ZNF207: variants seen among roughly 807,000 people sequenced by gnomAD.
The protein encoded by ZNF207 is zinc finger protein 207, also known as BUB3-interacting and GLEBS motif-containing protein ZNF207.
In ZNF207, 24 loss-of-function variants were observed where a neutral mutation model predicts 60.2. That is an observed-to-expected ratio of 0.40 (90% CI 0.29 to 0.56). The LOEUF is 0.56. Among genes scored for constraint, ZNF207 ranks in the 20% least tolerant of loss-of-function variants. The pLI, the probability that ZNF207 is intolerant of heterozygous loss-of-function variation, is 0.49. For missense variants in ZNF207, 452 were observed against 636.6 expected (o/e 0.71, Z 3.12); for synonymous variants, 236 against 194.7 (o/e 1.21, Z -1.77).
chr17:32,360,256 G>A (rs945197415), intron 3 of ZNF207, among the ~76,000 whole-genome samples: 4 of 151,018 alleles, frequency 2.6e-5, no homozygotes, highest in Non-Finnish European at 5.9e-5. Flanking sequence ...AGACTGTGGC[G>A]GGAGGATCGC....
Position 32,357,342 on chromosome 17 carries a change from A to ATTTTTTT in ZNF207, c.169-1159_169-1158insTTTTTTT, listed in dbSNP as rs1364261997. Among the ~76,000 whole-genome samples the ATTTTTTT allele has an allele frequency of 1.2e-4, 8 of 64,422 alleles. 1 individual carries two copies. The highest frequency in any genetic ancestry group is 3.5e-4 in the African/African-American group (4 of 11,432). The allele number at this position is 64,422 out of a possible 152,430, so 42.3% of individuals were successfully genotyped here. A position where few individuals can be genotyped will look rare whatever the true frequency, so the allele number is the denominator to read the frequency against. ...TATTATTATTATTATTATTATTATT[A>ATTTTTTT]TTATTATTATTTTTTTTTTTTTTTG... is the stretch of plus-strand genomic sequence containing the variant. On this transcript the variant is annotated intron_variant, in intron 2 of 11. Coordinates refer to ENST00000394670, the MANE Select transcript of ZNF207 (RefSeq NM_001098507.2).
intron 8 of ZNF207, chr17:32,365,738 GT>G (rs60104494): frequency 0.11 from 14,145 of 134,048 alleles, 569 homozygotes; most frequent in Middle Eastern, 0.16. Flanking sequence ...TTTATTCTTA[GT>G]TTTTTTTTTT....
chr17:32,358,402 G>T (rs1444115246), intron 2 of ZNF207, 101 bp from the exon 3 acceptor site: 1 of 1,159,242 alleles, frequency 8.6e-7, no homozygotes. Flanking sequence ...GCTCTACATG[G>T]CCTCACTATA....
Position 32,365,357 on chromosome 17 carries a change from G to A in ZNF207, c.698G>A (p.Gly233Glu), listed in dbSNP as rs1290202765. Residue 233 changes from glycine (G) to glutamate (E), a missense_variant, in exon 8 of 12, where the codon GGA (glycine) becomes GAA (glutamate). Gly to Glu is a moderately conservative substitution (Grantham distance 98, BLOSUM62 -2). This residue lies in a region of ZNF207 where 390 missense variants were observed against 461.4 expected (regional missense o/e 0.85). Coordinates refer to ENST00000394670, the MANE Select transcript of ZNF207 (RefSeq NM_001098507.2). ...ATGCCCCCACCTGTTCCACGTCCTG[G>A]AATTCCTCCAATGACTCAAGCACAG... ...PGMPPPVPRP[G>E]IPPMTQAQAV... 6.2e-7 allele frequency: 1 copy of A among 1,613,772 alleles called. No individual in the cohort carries two copies. The highest frequency in any genetic ancestry group is 8.5e-7 in the Non-Finnish European group (1 of 1,179,846).
chr17:32,354,334 AGT>A, intron 2 of ZNF207, among the ~76,000 whole-genome samples: 1 of 149,634 alleles, frequency 6.7e-6, no homozygotes, highest in East Asian at 1.9e-4. Context: ...ATGCTCTGTC[AGT>A]TTTTTTTTTG....
intron 2 of ZNF207, among the ~76,000 whole-genome samples, chr17:32,356,235 C>G (rs1904497735): frequency 1.3e-5 from 2 of 152,146 alleles, no homozygotes. Flanking sequence ...CCCAAGAAAT[C>G]TAATTCTGGC....
chr17:32,380,016 CAAT>C lies in ZNF207; in HGVS notation c.*10258_*10260del, dbSNP rs1417349111. 7 of 152,212 alleles carry C rather than the reference CAAT, an allele frequency of 4.6e-5. No individual in the cohort carries two copies. The highest frequency in any genetic ancestry group is 1.0e-4 in the Non-Finnish European group (7 of 68,002). 9.4% of individuals were successfully genotyped at this position (152,212 alleles called of 1,614,324 possible). A position where few individuals can be genotyped will look rare whatever the true frequency, so the allele number is the denominator to read the frequency against. On this transcript the variant is annotated 3_prime_UTR_variant, in exon 12 of 12. Transcript: ENST00000394670. The stretch of plus-strand genomic sequence containing the variant: ...CAACTGTGATGCTTTTTAGTATGAA[CAAT>C]GATAGTTTTCTAAAATCTGAAAATC...
chr17:32,350,445 G>A, intron 1 of ZNF207, 119 bp downstream of exon 1: 2 of 1,335,576 alleles, frequency 1.5e-6, no homozygotes, highest in Non-Finnish European at 2.1e-6. Flanking sequence ...GTCTGCGTGG[G>A]TGGCCTGGTG....
At position 32,372,604 on chromosome 17, in the gene ZNF207, C is replaced by T. The variant is rs1044243452; in HGVS notation, c.*2845C>T. The T allele has an allele frequency of 3.9e-5, 6 of 152,088 alleles. No individual in the cohort carries two copies. Among genetic ancestry groups the T allele is most frequent in the African/African-American group, 1.4e-4 (6 of 41,414 alleles). 9.4% of individuals were successfully genotyped at this position (152,088 alleles called of 1,614,324 possible). On this transcript the variant is annotated 3_prime_UTR_variant, in exon 12 of 12. Transcript: ENST00000394670. ...CAGATAAAACTTAAGCTCATGAGTT[C>T]CTGAGTTTGTAGCTATAGGCTCAGA...
chr17:32,367,143 CAT>C, intron 9 of ZNF207, among the ~76,000 whole-genome samples: 1 of 150,376 alleles, frequency 6.6e-6, no homozygotes, highest in East Asian at 2.0e-4. Context: ...TGAAAAGTAA[CAT>C]ATTTGTTACT....
chr17:32,369,263 G>GTA, intron 10 of ZNF207, 32 bp from the exon 11 acceptor site: 1 of 1,605,046 alleles, frequency 6.2e-7, no homozygotes, highest in Non-Finnish European at 8.5e-7. Context: ...CTGCATTCGA[G>GTA]TATTTAGCCC....
chr17:32,353,190 A>G (rs975818007), intron 2 of ZNF207, among the ~76,000 whole-genome samples: 3 of 152,144 alleles, frequency 2.0e-5, no homozygotes, highest in African/African-American at 7.2e-5. Context: ...AATAATAATG[A>G]CAATAATTTC....
chr17:32,371,591 A>G lies in ZNF207; in HGVS notation c.*1832A>G, dbSNP rs1247472090. 6.6e-6 allele frequency: 1 copy of G among 152,184 alleles called. No individual in the cohort carries two copies. Among genetic ancestry groups the G allele is most frequent in the Non-Finnish European group, 1.5e-5 (1 of 68,060 alleles). 9.4% of individuals were successfully genotyped at this position (152,184 alleles called of 1,614,324 possible). A position where few individuals can be genotyped will look rare whatever the true frequency, so the allele number is the denominator to read the frequency against. ...TGGCAAAACCCCATCTGTACAAAAC[A>G]TTTAAAAATTAGCCAGGCGCGTTAG... On this transcript the variant is annotated 3_prime_UTR_variant, in exon 12 of 12. Transcript: ENST00000394670.
chr17:32,358,799 G>GT (rs1042097363), intron 3 of ZNF207, among the ~76,000 whole-genome samples, 158 bp downstream of exon 3: 4 of 151,334 alleles, frequency 2.6e-5, no homozygotes, highest in East Asian at 1.9e-4. Flanking sequence ...TTGTTTGTTT[G>GT]TTTTTTTCTT....
Position 32,360,913 on chromosome 17 carries a change from G to C in ZNF207, c.497G>C (p.Gly166Ala). 6.2e-7 allele frequency: 1 copy of C among 1,613,978 alleles called. No homozygotes were observed. Among genetic ancestry groups the C allele is most frequent in the Non-Finnish European group, 8.5e-7 (1 of 1,180,000 alleles). ...GTAGGCATACCTCCATTAATGCCAG[G>C]TGTTCCTCCTCTGATGCCAGGAATG... ...MPPGIPPLMP[G>A]VPPLMPGMPP... The change falls in exon 5 of 12, where the codon GGT (glycine) becomes GCT (alanine). Residue 166 changes from glycine to alanine, a missense_variant. By Grantham distance (60) the Gly-to-Ala change is moderately conservative. Coordinates refer to ENST00000394670, the MANE Select transcript of ZNF207 (RefSeq NM_001098507.2).
In ZNF207 at chr17:32,372,535, G is replaced by C. The variant is rs1905520044; in HGVS notation, c.*2776G>C. Reference sequence around the variant, plus strand: ...GCAAAAATGGAACTTTTAAATATGGGATAGAATTCTAATTAAAAATTAATT... The same window carrying C: ...GCAAAAATGGAACTTTTAAATATGGCATAGAATTCTAATTAAAAATTAATT... On this transcript the variant is annotated 3_prime_UTR_variant, in exon 12 of 12. Transcript: ENST00000394670. 1 of 152,100 alleles carries C rather than the reference G, an allele frequency of 6.6e-6. No individual in the cohort carries two copies. The highest frequency in any genetic ancestry group is 6.6e-5 in the Admixed American group (1 of 15,264). The allele number at this position is 152,100 out of a possible 1,614,324, so 9.4% of individuals were successfully genotyped here. A position where few individuals can be genotyped will look rare whatever the true frequency, so the allele number is the denominator to read the frequency against.
chr17:32,360,243 G>C (rs9906963), intron 3 of ZNF207, among the ~76,000 whole-genome samples: 24,417 of 144,806 alleles, frequency 0.17, 2,471 homozygotes, highest in African/African-American at 0.28. Flanking sequence ...CCAGCTACTT[G>C]GGAGACTGTG....
chr17:32,378,699 T>G lies in ZNF207; in HGVS notation c.*8940T>G, dbSNP rs985496249. 3 of 150,836 alleles carry G rather than the reference T, an allele frequency of 2.0e-5. No homozygotes were observed. The highest frequency in any genetic ancestry group is 7.3e-5 in the African/African-American group (3 of 41,148). 9.3% of individuals were successfully genotyped at this position (150,836 alleles called of 1,614,324 possible). On this transcript the variant is annotated 3_prime_UTR_variant, in exon 12 of 12. Transcript: ENST00000394670. Reference sequence around the variant, plus strand: ...GGAAAATGTGTTTTAACATTTTTATTTTTTTTTTATTCTACCCGAGTTCAT... The same window carrying G: ...GGAAAATGTGTTTTAACATTTTTATGTTTTTTTTATTCTACCCGAGTTCAT...
At position 32,372,778 on chromosome 17, in the gene ZNF207, A is replaced by G. The variant is rs567033780; in HGVS notation, c.*3019A>G. ...TGGAGCAAATTATATTCATATAATT[A>G]ACTCTGACTCAACCTTCCTTAAGTA... On this transcript the variant is annotated 3_prime_UTR_variant, in exon 12 of 12. Coordinates refer to ENST00000394670, the MANE Select transcript of ZNF207 (RefSeq NM_001098507.2). 6.6e-6 allele frequency: 1 copy of G among 152,342 alleles called. No individual in the cohort carries two copies. The highest frequency in any genetic ancestry group is 2.1e-4 in the South Asian group (1 of 4,832). 9.4% of individuals were successfully genotyped at this position (152,342 alleles called of 1,614,324 possible). A position where few individuals can be genotyped will look rare whatever the true frequency, so the allele number is the denominator to read the frequency against.
Sources: allele counts gnomAD v4.1 joint callset (sites outside exome capture counted in the v4.1 genomes callset), GRCh38; gene constraint gnomAD v4.1.1; regional missense constraint gnomAD v4.1.1; transcripts MANE v1.5; gene names NCBI Gene and HGNC (gene_info 2026-07-23, HGNC 2026-07-21).